PLCB1: variants seen among roughly 807,000 people sequenced by gnomAD.
PLCB1 encodes the protein 1-phosphatidylinositol 4,5-bisphosphate phosphodiesterase beta-1.
A neutral mutation model predicts 161.8 loss-of-function variants in PLCB1; 46 were observed. The ratio of observed to expected loss-of-function variants is 0.28; its 90% CI spans 0.22 to 0.36. The LOEUF (loss-of-function observed/expected upper bound fraction) is 0.36, where lower values mean the gene tolerates loss of function less well. Among genes scored for constraint, PLCB1 ranks in the 10% least tolerant of loss-of-function variants. The pLI, the probability that PLCB1 is intolerant of heterozygous loss-of-function variation, is 1.00. For missense variants in PLCB1, 1,016 were observed against 1,472.5 expected (o/e 0.69, Z 5.07); for synonymous variants, 517 against 503.7 (o/e 1.03, Z -0.35).
At chr20:8,266,771 G>T (rs1981977554) in intron 2 of PLCB1, among the ~76,000 whole-genome samples, 1 of 151,920 alleles carries the variant, frequency 6.6e-6, no homozygotes, top group Non-Finnish European at 1.5e-5. Flanking sequence ...GGGTGCAGTG[G>T]CTCACGCCTG....
intron 3 of PLCB1, among the ~76,000 whole-genome samples, chr20:8,601,473 T>C (rs1028246909): frequency 1.1e-4 from 16 of 152,328 alleles, no homozygotes; most frequent in Middle Eastern, 6.8e-3. Flanking sequence ...AACGTGTGAG[T>C]TGGTTTTTAA....
chr20:8,375,505 T>C (rs560835232), intron 3 of PLCB1, among the ~76,000 whole-genome samples: 1 of 152,300 alleles, frequency 6.6e-6, no homozygotes, highest in East Asian at 1.9e-4. Context: ...TTTTTGAAAC[T>C]TTTTTCATGT....
At chr20:8,184,204 A>C (rs1235270994) in intron 2 of PLCB1, among the ~76,000 whole-genome samples, 2 of 152,194 alleles carry the variant, frequency 1.3e-5, no homozygotes, top group African/African-American at 4.8e-5. Flanking sequence ...CTTTTAGAAC[A>C]ACTAGAATAT....
At chr20:8,779,228 G>A (rs1484524800) in intron 27 of PLCB1, among the ~76,000 whole-genome samples, 3 of 152,058 alleles carry the variant, frequency 2.0e-5, no homozygotes, top group Non-Finnish European at 4.4e-5. Flanking sequence ...CCTGTCAGAT[G>A]TTTACTGAAA....
intron 3 of PLCB1, among the ~76,000 whole-genome samples, chr20:8,410,845 A>T (rs948879398): frequency 2.6e-5 from 4 of 152,288 alleles, no homozygotes; most frequent in African/African-American, 9.6e-5. Flanking sequence ...TGTAAGAGAC[A>T]TACTAGGAAG....
At chr20:8,634,341 T>A (rs1001498517) in intron 4 of PLCB1, among the ~76,000 whole-genome samples, 1 of 152,230 alleles carries the variant, frequency 6.6e-6, no homozygotes, top group African/African-American at 2.4e-5. Context: ...AATTTTAGAT[T>A]CTTCCCCCTC....
intron 3 of PLCB1, among the ~76,000 whole-genome samples, chr20:8,536,558 T>C (rs1985057924): frequency 6.6e-6 from 1 of 152,180 alleles, no homozygotes; most frequent in Admixed American, 6.5e-5. Context: ...TGGTTGAAGC[T>C]GAAGTCATCT....
At chr20:8,351,510 AC>A (rs975626007) in intron 2 of PLCB1, among the ~76,000 whole-genome samples, 19 of 152,202 alleles carry the variant, frequency 1.2e-4, no homozygotes, top group African/African-American at 2.6e-4. Flanking sequence ...TAAATTTAAA[AC>A]TTTTGCTATG....
intron 31 of PLCB1, chr20:8,792,465 T>C (rs1824635336): frequency 4.4e-6 from 2 of 456,550 alleles, no homozygotes; most frequent in Non-Finnish European, 9.0e-6. Flanking sequence ...ACATACAGTG[T>C]ACGTTACAGC....
chr20:8,564,729 G>GA lies in PLCB1; in HGVS notation c.247-63557dup, dbSNP rs543865496. ...ACATTTATGCAGCCAACATACATAT[G>GA]AAAAAAAAGCTCATCATCACTGGTC... On this transcript the variant is annotated intron_variant, in intron 3 of 31. Transcript: ENST00000338037. Among the ~76,000 whole-genome samples, 7 of 151,840 alleles carry GA rather than the reference G, an allele frequency of 4.6e-5. No homozygotes were observed. In the South Asian group the frequency reaches 1.5e-3, roughly 32 times the overall value.
chr20:8,880,391 T>C (rs931904658), intron 31 of PLCB1, among the ~76,000 whole-genome samples: 2 of 152,174 alleles, frequency 1.3e-5, no homozygotes, highest in Non-Finnish European at 2.9e-5. Flanking sequence ...AAGTCTCCAT[T>C]TGAAGAAAGG....
intron 24 of PLCB1, among the ~76,000 whole-genome samples, chr20:8,759,831 T>G (rs1216944860): frequency 6.6e-6 from 1 of 151,874 alleles, no homozygotes; most frequent in Non-Finnish European, 1.5e-5. Context: ...TTGCCTAAAC[T>G]GAATTTGTTC....
At chr20:8,289,610 G>A (rs1983289335) in intron 2 of PLCB1, among the ~76,000 whole-genome samples, 1 of 152,162 alleles carries the variant, frequency 6.6e-6, no homozygotes, top group Non-Finnish European at 1.5e-5. Context: ...AATCCCAAAT[G>A]TGTCACCTGA....
In PLCB1 at chr20:8,795,853, C is replaced by A. The variant is rs114392887; in HGVS notation, c.3423+5592C>A. Among the ~76,000 whole-genome samples the A allele has an allele frequency of 9.7e-3, 1,365 of 140,302 alleles. 29 individuals carry two copies. Among genetic ancestry groups the A allele is most frequent in the African/African-American group, 0.033 (1,249 of 37,364 alleles). 92.0% of individuals were successfully genotyped at this position (140,302 alleles called of 152,430 possible). A position where few individuals can be genotyped will look rare whatever the true frequency, so the allele number is the denominator to read the frequency against. The stretch of plus-strand genomic sequence containing the variant: ...TCGCGCCACTGCATTCAAGCCTGGG[C>A]GACTGAGTGAGACCACCCTGTCTCA... On this transcript the variant is annotated intron_variant, in intron 31 of 31. Coordinates refer to ENST00000338037, the MANE Select transcript of PLCB1 (RefSeq NM_015192.4).
intron 3 of PLCB1, among the ~76,000 whole-genome samples, chr20:8,488,098 G>A (rs1982805923): frequency 6.6e-6 from 1 of 152,116 alleles, no homozygotes; most frequent in South Asian, 2.1e-4. Flanking sequence ...GTTACCTAAT[G>A]CAGTTCAATA....
intron 25 of PLCB1, among the ~76,000 whole-genome samples, 168 bp from the exon 26 acceptor site, chr20:8,764,971 G>A (rs1222547920): frequency 6.6e-6 from 1 of 152,194 alleles, no homozygotes; most frequent in Non-Finnish European, 1.5e-5. Flanking sequence ...CTCAAAGTTA[G>A]CAAGTGATAG....
intron 2 of PLCB1, among the ~76,000 whole-genome samples, chr20:8,359,922 T>A (rs1986483916): frequency 6.6e-6 from 1 of 152,232 alleles, no homozygotes; most frequent in South Asian, 2.1e-4. Flanking sequence ...TTTTCTAAGT[T>A]GATTATTTGC....
rs113349124 is a variant in PLCB1 at position 8,238,694 on chromosome 20, C to T, written c.177+88323C>T. Among the ~76,000 whole-genome samples, 121 of 151,788 alleles carry T rather than the reference C, an allele frequency of 8.0e-4. 1 individual carries two copies. The highest frequency in any genetic ancestry group is 2.8e-3 in the African/African-American group (115 of 41,422). On this transcript the variant is annotated intron_variant, in intron 2 of 31. Coordinates refer to ENST00000338037, the MANE Select transcript of PLCB1 (RefSeq NM_015192.4). ...GTTTTAAAAAAAAGATGAAATAAGA[C>T]AGGCTCAAGGAAAACGGAAAGGGGG...
intron 2 of PLCB1, among the ~76,000 whole-genome samples, chr20:8,321,837 C>T (rs922073090): frequency 3.9e-5 from 6 of 152,128 alleles, no homozygotes; most frequent in African/African-American, 1.2e-4. Context: ...AGTGTCCCCT[C>T]GATAGACATT....
Sources: gnomAD v4.1 joint callset for allele counts (sites outside exome capture counted in the v4.1 genomes callset) on GRCh38, gnomAD v4.1.1 for gene constraint, MANE v1.5 for transcripts, NCBI Gene and HGNC (gene_info 2026-07-23, HGNC 2026-07-21) for gene names.